Variants in TMEM67 observed in about 807,000 individuals in gnomAD.
TMEM67 encodes the protein transmembrane protein 67, also known as meckelin.
A neutral mutation model predicts 136.6 loss-of-function variants in TMEM67; 124 were observed. That is an observed-to-expected ratio of 0.91 (90% CI 0.78 to 1.05). The LOEUF (loss-of-function observed/expected upper bound fraction) is 1.05. Among genes scored for constraint, TMEM67 ranks in the 50% least tolerant of loss-of-function variants. The probability of loss-of-function intolerance (pLI) is 0.00; values close to 1 mark genes in which losing one functional copy is unlikely to be tolerated. For missense variants in TMEM67, 1,107 were observed against 1,178.4 expected, an observed-to-expected ratio of 0.94 and a Z score of 0.89; for synonymous variants, 364 against 390.5, an observed-to-expected ratio of 0.93 and a Z score of 0.80.
chr8:93,822,261 A>G (rs1347259079), downstream of TMEM67, among the ~76,000 whole-genome samples: 1 of 152,260 alleles, frequency 6.6e-6, no homozygotes, highest in Non-Finnish European at 1.5e-5. Flanking sequence ...CTTGTTAGTC[A>G]TAAGAATGCA....
intron 26 of TMEM67, among the ~76,000 whole-genome samples, chr8:93,814,540 C>T (rs758830856): frequency 6.0e-5 from 9 of 150,758 alleles, no homozygotes; most frequent in Non-Finnish European, 1.3e-4. Flanking sequence ...ATTAATAGCT[C>T]GCTATAACCT....
Position 93,816,542 on chromosome 8 carries a change from T to C in TMEM67, c.*90T>C, listed in dbSNP as rs1366405658. 4 of 702,220 alleles carry C rather than the reference T, an allele frequency of 5.7e-6. No individual in the cohort carries two copies. The highest frequency in any genetic ancestry group is 1.0e-5 in the Non-Finnish European group (4 of 392,036). The allele number at this position is 702,220 out of a possible 1,614,324, so 43.5% of individuals were successfully genotyped here. ...TTAGTTTGCCATATTTTTTAAAACTTATAATGCAGACTATTCTGTTTTTGT... is the reference window on the plus strand; with the variant it reads ...TTAGTTTGCCATATTTTTTAAAACTCATAATGCAGACTATTCTGTTTTTGT... On this transcript the variant is annotated 3_prime_UTR_variant, in exon 28 of 28. Coordinates refer to ENST00000453321, the MANE Select transcript of TMEM67 (RefSeq NM_153704.6).
chr8:93,808,390 TTA>T (rs1252823442), intron 23 of TMEM67, among the ~76,000 whole-genome samples: 4 of 98,848 alleles, frequency 4.0e-5, no homozygotes, highest in East Asian at 2.5e-4. Context: ...TATTTATATA[TTA>T]TATATAAATA....
At chr8:93,770,906 T>C (rs1389572162) in intron 6 of TMEM67, among the ~76,000 whole-genome samples, 1 of 151,624 alleles carries the variant, frequency 6.6e-6, no homozygotes, top group Non-Finnish European at 1.5e-5. Flanking sequence ...CCCCAGCTAC[T>C]CAGGAGGCTG....
intron 6 of TMEM67, among the ~76,000 whole-genome samples, chr8:93,771,073 G>T: frequency 6.6e-6 from 1 of 151,458 alleles, no homozygotes; most frequent in Middle Eastern, 3.2e-3. Context: ...TCTCTCCATT[G>T]TAAAGGTACT....
chr8:93,795,132 C>A (rs766045475), intron 16 of TMEM67: 3 of 500,090 alleles, frequency 6.0e-6, no homozygotes, highest in Non-Finnish European at 1.1e-5. Context: ...GGATTCCCAA[C>A]TAAGAGAAAA....
chr8:93,821,026 A>G (rs1166360727), downstream of TMEM67, among the ~76,000 whole-genome samples: 2 of 152,198 alleles, frequency 1.3e-5, no homozygotes, highest in Non-Finnish European at 2.9e-5. Flanking sequence ...CAGTAGAATG[A>G]AGTCCAGGGA....
chr8:93,814,316 T>A (rs1488962782), intron 26 of TMEM67, among the ~76,000 whole-genome samples: 2 of 151,756 alleles, frequency 1.3e-5, no homozygotes, highest in South Asian at 4.1e-4. Context: ...ATTTTTTGTA[T>A]TTTTAGTGGA....
At chr8:93,819,835 C>G (rs1203543852), downstream of TMEM67, among the ~76,000 whole-genome samples, 1 of 152,130 alleles carries the variant, frequency 6.6e-6, no homozygotes, top group Non-Finnish European at 1.5e-5. Context: ...TTTTAAGAAA[C>G]CTTCCCTTCT....
At chr8:93,813,173 C>A (rs913847802) in intron 26 of TMEM67, among the ~76,000 whole-genome samples, 1 of 151,776 alleles carries the variant, frequency 6.6e-6, no homozygotes, top group African/African-American at 2.4e-5. Context: ...TATGTTCTTC[C>A]ATTTCTCTAT....
At chr8:93,781,531 C>G (rs1225989821) in intron 9 of TMEM67, 127 bp from the exon 10 acceptor site, 1 of 528,558 alleles carries the variant, frequency 1.9e-6, no homozygotes, top group African/African-American at 1.9e-5. Context: ...TTAATTGAAC[C>G]TCAAAATAAA....
chr8:93,791,310 C>A lies in TMEM67; in HGVS notation c.1566C>A (p.Val522=). ...TYEMDHGEAH[V]QTDIALGVLG... ...AAATGGATCATGGAGAAGCACATGT[C>A]CAGACAGATGTAAGTTTATTTTAAC... The change falls in exon 15 of 28, where the codon GTC becomes GTA. Residue 522 remains valine, a synonymous_variant. Transcript: ENST00000453321. The A allele has an allele frequency of 6.3e-7, 1 of 1,598,466 alleles. No homozygotes were observed. The highest frequency in any genetic ancestry group is 8.6e-7 in the Non-Finnish European group (1 of 1,166,586).
At chr8:93,804,348 A>T (rs1220403267) in intron 22 of TMEM67, among the ~76,000 whole-genome samples, 2 of 107,258 alleles carry the variant, frequency 1.9e-5, no homozygotes, top group Non-Finnish European at 3.5e-5. Flanking sequence ...AAGGTCTCGC[A>T]CTGTAACCCA....
At chr8:93,807,222 C>T (rs1417740343) in intron 23 of TMEM67, among the ~76,000 whole-genome samples, 1 of 152,058 alleles carries the variant, frequency 6.6e-6, no homozygotes, top group Non-Finnish European at 1.5e-5. Flanking sequence ...AGTGTTTGGG[C>T]AATGTATATA....
At chr8:93,806,142 C>G (rs916599975) in intron 23 of TMEM67, among the ~76,000 whole-genome samples, 1 of 151,980 alleles carries the variant, frequency 6.6e-6, no homozygotes, top group African/African-American at 2.4e-5. Flanking sequence ...TGTCTCCAGA[C>G]AAATCAATGA....
chr8:93,806,041 T>A (rs1815134444), intron 23 of TMEM67, among the ~76,000 whole-genome samples: 1 of 152,118 alleles, frequency 6.6e-6, no homozygotes, highest in South Asian at 2.1e-4. Context: ...TTATAGGAAA[T>A]ACAAGCGATA....
the TMEM67 span, among the ~76,000 whole-genome samples, chr8:93,829,833 A>G: frequency 6.6e-6 from 1 of 152,018 alleles, no homozygotes; most frequent in South Asian, 2.1e-4. Context: ...CCTGGGGGGC[A>G]TTTTAGGCCT....
At chr8:93,776,293 G>A (rs1215523071) in intron 7 of TMEM67, among the ~76,000 whole-genome samples, 2 of 152,164 alleles carry the variant, frequency 1.3e-5, no homozygotes, top group African/African-American at 2.4e-5. Flanking sequence ...CATGTCTTCT[G>A]CAAACAGGGA....
intron 20 of TMEM67, among the ~76,000 whole-genome samples, 196 bp downstream of exon 20, chr8:93,797,666 C>T (rs1814682072): frequency 6.6e-6 from 1 of 152,126 alleles, no homozygotes; most frequent in Non-Finnish European, 1.5e-5. Context: ...CCATCTTAAG[C>T]ATTTTTAAGT....
Sources: allele counts gnomAD v4.1 joint callset (sites outside exome capture counted in the v4.1 genomes callset), GRCh38; gene constraint gnomAD v4.1.1; transcripts MANE v1.5; gene names NCBI Gene and HGNC (gene_info 2026-07-23, HGNC 2026-07-21).